MDC1: variants seen among roughly 807,000 people sequenced by gnomAD.
The protein encoded by MDC1 is mediator of DNA damage checkpoint protein 1.
Under a neutral mutation model 142.5 loss-of-function variants are expected in MDC1, and 81 were observed. The observed-to-expected ratio is 0.57, with a 90% CI of 0.47 to 0.68. The LOEUF (loss-of-function observed/expected upper bound fraction) is 0.68, where lower values mean the gene tolerates loss of function less well. Among genes scored for constraint, MDC1 ranks in the 30% least tolerant of loss-of-function variants. The pLI is 0.00. For synonymous variants in MDC1, 797 were observed against 968.4 expected (o/e 0.82, Z 3.29); for missense variants, 2,119 against 2,547.9 (o/e 0.83, Z 3.62).
At position 30,704,204 on chromosome 6, in the gene MDC1, A is replaced by C. The variant is rs1773291301; in HGVS notation, c.4979T>G (p.Leu1660Arg). The change falls in exon 10 of 15, where the codon CTT (leucine) becomes CGT (arginine). Residue 1660 changes from leucine (L) to arginine (R), a missense_variant. By Grantham distance (102) the Leu-to-Arg change is moderately radical. Transcript: ENST00000376406. ...CTGGTCTGTGGGGGTAAAAGGCTCA[A>C]GATCAGAGGCTGCTGGTTCAACTGG... ...PKPVEPAASD[L>R]EPFTPTDQSV... The C allele has an allele frequency of 6.2e-7, 1 of 1,613,562 alleles. No individual in the cohort carries two copies. Among genetic ancestry groups the C allele is most frequent in the Admixed American group, 1.7e-5 (1 of 59,968 alleles).
At position 30,703,227 on chromosome 6, in the gene MDC1, T is replaced by G. The variant is rs1429123363; in HGVS notation, c.5742A>C (p.Gly1914=). The G allele has an allele frequency of 1.9e-6, 3 of 1,612,728 alleles. No individual in the cohort carries two copies. The highest frequency in any genetic ancestry group is 2.7e-5 in the African/African-American group (2 of 74,822). ...RGERAVLALG[G]SLAGSAAEAS... ...CCTCTGCCGCTGAACCAGCCAGACT[T>G]CCCCCCAGTGCCAGCACAGCCCGCT... The change falls in exon 12 of 15, where the codon GGA becomes GGC. Residue 1914 remains glycine (G), a synonymous_variant. Coordinates refer to ENST00000376406, the MANE Select transcript of MDC1 (RefSeq NM_014641.3). The surrounding 1 kb of genome is among the most constrained non-coding windows in gnomAD (Gnocchi z 4.4).
Position 30,708,066 on chromosome 6 carries a change from A to G in MDC1, c.2513T>C (p.Leu838Pro), listed in dbSNP as rs1337781877. ...CACATCTGTCTGTCTTTCTGGTAGCAGTTTCTCAGTTTCTCTCTCCAATGG... is the reference window on the plus strand; with the variant it reads ...CACATCTGTCTGTCTTTCTGGTAGCGGTTTCTCAGTTTCTCTCTCCAATGG... Reference protein sequence around the residue: ...RGPLERETEKLLPERQTDVTG... With the variant: ...RGPLERETEKPLPERQTDVTG... Residue 838 changes from leucine to proline, a missense_variant, in exon 8 of 15, where the codon CTG (leucine) becomes CCG (proline). By Grantham distance (98) the Leu-to-Pro change is moderately conservative (BLOSUM62 -3). Transcript: ENST00000376406. 6.2e-7 allele frequency: 1 copy of G among 1,612,926 alleles called. No homozygotes were observed. Among genetic ancestry groups the G allele is most frequent in the Non-Finnish European group, 8.5e-7 (1 of 1,180,010 alleles).
Position 30,705,505 on chromosome 6 carries a change from C to G in MDC1, c.3678G>C (p.Gln1226His). Residue 1226 changes from glutamine to histidine, a missense_variant, in exon 10 of 15, where the codon CAG (glutamine) becomes CAC (histidine). Physicochemically the swap from Gln to His is conservative, Grantham distance 24. Coordinates refer to ENST00000376406, the MANE Select transcript of MDC1 (RefSeq NM_014641.3). ...ATCTATTTTTTCTTCCCCTAGTAGC[C>G]TGAGAGGTGGGTTCAGAGGTGACAG... Reference protein sequence around the residue: ...DRPVTSEPTSQATRGRKNRSS... With the variant: ...DRPVTSEPTSHATRGRKNRSS... The G allele has an allele frequency of 6.2e-7, 1 of 1,604,564 alleles. No individual in the cohort carries two copies. The highest frequency in any genetic ancestry group is 8.5e-7 in the Non-Finnish European group (1 of 1,176,702).
At chr6:30,700,939 G>A (rs1772539264) in intron 14 of MDC1, among the ~76,000 whole-genome samples, 1 of 149,322 alleles carries the variant, frequency 6.7e-6, no homozygotes, top group African/African-American at 2.5e-5. Flanking sequence ...CGGGCGCGCT[G>A]ACGGGTGCCT....
rs1402967227 is a variant in MDC1, at chr6:30,711,533, TCTC to T, written c.2129-32_2129-30del. Reference sequence around the variant, plus strand: ...TACAGGAAAAGATGGCCTAAGTTCATCTCCTCCATACTACTGTAGGGTTCCATT... The same window carrying T: ...TACAGGAAAAGATGGCCTAAGTTCATCTCCATACTACTGTAGGGTTCCATT... On this transcript the variant is annotated intron_variant, in intron 6 of 14. Transcript: ENST00000376406. The T allele has an allele frequency of 3.1e-6, 5 of 1,608,708 alleles. No individual in the cohort carries two copies. In the African/African-American group the frequency reaches 6.7e-5, roughly 22 times the overall value.
chr6:30,713,935 G>A lies in MDC1; in HGVS notation c.385C>T (p.Gln129Ter), dbSNP rs1337884611. The change falls in exon 3 of 15, where the codon CAG becomes TAG. Residue 129 changes from glutamine (Q) to a stop codon, truncating the protein, a stop_gained. Transcript: ENST00000376406. LOFTEE classifies it high-confidence loss of function. This position sits in a 1 kb window ranked among gnomAD's most constrained non-coding sequence, Gnocchi z 4.9. ...ELILFADLLC[Q>*]YHRLDVSLPF... ...AGAGAGACATCCAGGCGATGGTACTGGCAGAGCAAGTCAGCAAAGAGAATC... is the reference window on the plus strand; with the variant it reads ...AGAGAGACATCCAGGCGATGGTACTAGCAGAGCAAGTCAGCAAAGAGAATC... The A allele has an allele frequency of 6.2e-7, 1 of 1,613,148 alleles. No individual in the cohort carries two copies. Among genetic ancestry groups the A allele is most frequent in the African/African-American group, 1.3e-5 (1 of 74,906 alleles).
chr6:30,707,413 T>C lies in MDC1; in HGVS notation c.3055A>G (p.Arg1019Gly), dbSNP rs139820479. ...CKMPPAEKAS[R>G]IRAAEKVSRG... ...GAAACCTTCTCAGCAGCTCTGATCC[T>C]GGAAGCCTTCTCAGCAGGTGGCATC... The change falls in exon 9 of 15, where the codon AGG (arginine) becomes GGG (glycine). Residue 1019 changes from arginine to glycine, a missense_variant. Coordinates refer to ENST00000376406, the MANE Select transcript of MDC1 (RefSeq NM_014641.3). The C allele has an allele frequency of 5.8e-4, 930 of 1,613,134 alleles. 23 individuals are homozygous for C. In the East Asian group the frequency reaches 0.02, roughly 35 times the overall value.
intron 7 of MDC1, among the ~76,000 whole-genome samples, chr6:30,710,939 G>A (rs1172453776): frequency 6.6e-6 from 1 of 151,866 alleles, no homozygotes; most frequent in East Asian, 1.9e-4. Flanking sequence ...CATTTTTGTG[G>A]AGACCAGGTC....
chr6:30,715,077 C>T lies in MDC1; in HGVS notation c.99G>A (p.Arg33=), dbSNP rs1455744051. The T allele has an allele frequency of 3.7e-6, 6 of 1,614,078 alleles. No homozygotes were observed. The highest frequency in any genetic ancestry group is 5.1e-6 in the Non-Finnish European group (6 of 1,180,046). Residue 33 remains arginine, a synonymous_variant, in exon 2 of 15, where the codon CGG becomes CGA. Transcript: ENST00000376406. This position sits in a 1 kb window ranked among gnomAD's most constrained non-coding sequence, Gnocchi z 4.1. ...CATGGGCACCACTAAAGATATGTAG[C>T]CGCCCTACTGGCTCCACGTTACACC... The part of the protein sequence containing the change: ...SLRCNVEPVG[R]LHIFSGAHGP...
At position 30,702,767 on chromosome 6, in the gene MDC1, C is replaced by T. The variant is rs1487605672; in HGVS notation, c.5976G>A (p.Glu1992=). ...AGCCTCTCACCTCTAGCAGCCTTCG[C>T]TCCCGAGCCCTGCTCAGTGCGTCTT... is the stretch of plus-strand genomic sequence containing the variant. ...SLQDALSRAR[E]RRLLEGYEIY... The change falls in exon 13 of 15, where the codon GAG becomes GAA. Residue 1992 remains glutamate, a synonymous_variant. Coordinates refer to ENST00000376406, the MANE Select transcript of MDC1 (RefSeq NM_014641.3). 12 of 1,613,116 alleles carry T rather than the reference C, an allele frequency of 7.4e-6. No individual in the cohort carries two copies. The highest frequency in any genetic ancestry group is 1.3e-5 in the African/African-American group (1 of 75,042).
At position 30,704,483 on chromosome 6, in the gene MDC1, G is replaced by A. The variant is rs1458473170; in HGVS notation, c.4700C>T (p.Thr1567Ile). 2 of 1,612,906 alleles carry A rather than the reference G, an allele frequency of 1.2e-6. No homozygotes were observed. The highest frequency in any genetic ancestry group is 1.1e-5 in the South Asian group (1 of 90,972). Reference sequence around the variant, plus strand: ...GGCTATAGGGACAATTGATTCAGGGGTCTTGACAGAGGACCTATTTGTCCT... The same window carrying A: ...GGCTATAGGGACAATTGATTCAGGGATCTTGACAGAGGACCTATTTGTCCT... ...RGRTNRSSVKTPESIVPIAPE... is the reference protein window; with the variant it reads ...RGRTNRSSVKIPESIVPIAPE... The change falls in exon 10 of 15, where the codon ACC (threonine) becomes ATC (isoleucine). Residue 1567 changes from threonine to isoleucine, a missense_variant. By Grantham distance (89) the Thr-to-Ile change is moderately conservative (BLOSUM62 -1). Transcript: ENST00000376406.
chr6:30,705,580 T>C lies in MDC1; in HGVS notation c.3603A>G (p.Thr1201=). 4 of 1,607,058 alleles carry C rather than the reference T, an allele frequency of 2.5e-6. No individual in the cohort carries two copies. The highest frequency in any genetic ancestry group is 3.4e-6 in the Non-Finnish European group (4 of 1,176,900). ...KSRSSVKTPE[T]VVPTALELQP... ...GGAGCTCAAGGGCTGTGGGCACAAC[T>C]GTTTCAGGGGTCTTGACAGAGGATC... Residue 1201 remains threonine (T), a synonymous_variant, in exon 10 of 15, where the codon ACA becomes ACG. Transcript: ENST00000376406.
rs1772418246 is a variant in MDC1, at chr6:30,700,386, A to G, written c.*79T>C. 2.7e-6 allele frequency: 4 copies of G among 1,480,362 alleles called. No homozygotes were observed. Among genetic ancestry groups the G allele is most frequent in the African/African-American group, 1.4e-5 (1 of 71,798 alleles). The allele number at this position is 1,480,362 out of a possible 1,614,324, so 91.7% of individuals were successfully genotyped here. A position where few individuals can be genotyped will look rare whatever the true frequency, so the allele number is the denominator to read the frequency against. ...GGACAAGTTGTATCAATATACCCCA[A>G]TCCTTTCTAACGCCCTGAGTTCTTT... On this transcript the variant is annotated 3_prime_UTR_variant, in exon 15 of 15. Coordinates refer to ENST00000376406, the MANE Select transcript of MDC1 (RefSeq NM_014641.3).
Position 30,704,256 on chromosome 6 carries a change from T to G in MDC1, c.4927A>C (p.Asn1643His), listed in dbSNP as rs780219168. 6.2e-7 allele frequency: 1 copy of G among 1,613,396 alleles called. No homozygotes were observed. The highest frequency in any genetic ancestry group is 8.5e-7 in the Non-Finnish European group (1 of 1,179,722). ...TTGGGAGTCTTGACAGAGGACCTAT[T>G]TGTCTTTCTCCTAGTGGCCCTAGAT... ...LTSRATRRKT[N>H]RSSVKTPKPV... The change falls in exon 10 of 15, where the codon AAT becomes CAT. Residue 1643 changes from asparagine to histidine, a missense_variant. Transcript: ENST00000376406.
chr6:30,702,876 G>A lies in MDC1; in HGVS notation c.5867C>T (p.Ser1956Phe). Residue 1956 changes from serine to phenylalanine, a missense_variant and splice_region_variant, in exon 13 of 15, where the codon TCC becomes TTC. Coordinates refer to ENST00000376406, the MANE Select transcript of MDC1 (RefSeq NM_014641.3). ...GGGTAAGAAGAAACCAGCCTTGCGG[G>A]ACTAAGGACGGCAGCAGTCAGCATC... The part of the protein sequence containing the change: ...PILSLDWLHQ[S>F]RKAGFFLPPD... 1 of 1,613,034 alleles carries A rather than the reference G, an allele frequency of 6.2e-7. No homozygotes were observed. Among genetic ancestry groups the A allele is most frequent in the South Asian group, 1.1e-5 (1 of 91,086 alleles).
chr6:30,702,119 C>T (rs1040579768), intron 14 of MDC1, among the ~76,000 whole-genome samples: 9 of 151,478 alleles, frequency 5.9e-5, no homozygotes, highest in Non-Finnish European at 8.8e-5. Flanking sequence ...AAGAATTAGC[C>T]GGGCGTGGTG....
At position 30,716,234 on chromosome 6, in the gene MDC1, T is replaced by TTTTTG. The variant is rs1775643764; in HGVS notation, c.-4+1010_-4+1011insCAAAA. ...TCAAATGTCACTTTCTTTCTTTTTT[T>TTTTTG]TTTTTTTGAGATGGAATCTCGCTCT... is the stretch of plus-strand genomic sequence containing the variant. On this transcript the variant is annotated intron_variant, in intron 1 of 14. Coordinates refer to ENST00000376406, the MANE Select transcript of MDC1 (RefSeq NM_014641.3). The surrounding 1 kb of genome is among the most constrained non-coding windows in gnomAD (Gnocchi z 4.4). 6.6e-6 allele frequency among the ~76,000 whole-genome samples: 1 copy of TTTTTG among 152,036 alleles called. No homozygotes were observed. Among genetic ancestry groups the TTTTTG allele is most frequent in the Non-Finnish European group, 1.5e-5 (1 of 67,976 alleles).
intron 7 of MDC1, 151 bp from the exon 8 acceptor site, chr6:30,708,508 G>T: frequency 3.0e-6 from 2 of 677,312 alleles, no homozygotes; most frequent in East Asian, 2.7e-5. Context: ...GTTATTAAAG[G>T]TAAGCTGGGA....
At position 30,705,004 on chromosome 6, in the gene MDC1, C is replaced by G; in HGVS notation, c.4179G>C (p.Arg1393Ser). 1 of 1,608,042 alleles carries G rather than the reference C, an allele frequency of 6.2e-7. No homozygotes were observed. The highest frequency in any genetic ancestry group is 8.5e-7 in the Non-Finnish European group (1 of 1,177,842). The change falls in exon 10 of 15, where the codon AGG becomes AGC. Residue 1393 changes from arginine to serine, a missense_variant. Transcript: ENST00000376406. ...TGCCAGAGGATCTATTTTTTCTTCC[C>G]CTAGTAGCCCGAGATGTGGGCTCAG... ...VTPEPTSRAT[R>S]GRKNRSSGKT... is the part of the protein sequence containing the mutation.
Sources: gnomAD v4.1 joint callset for allele counts (sites outside exome capture counted in the v4.1 genomes callset) on GRCh38, gnomAD v4.1.1 for gene constraint, Gnocchi (gnomAD v3.1) non-coding constraint, MANE v1.5 for transcripts, NCBI Gene and HGNC (gene_info 2026-07-23, HGNC 2026-07-21) for gene names.